The following CNTNAP2 variants were observed in gnomAD, a reference collection of about 807,000 sequenced individuals.
The protein encoded by CNTNAP2 is contactin associated protein 2, also known as contactin-associated protein-like 2.
In CNTNAP2, 98 loss-of-function variants were observed where a neutral mutation model predicts 155.2. The observed-to-expected ratio is 0.63, with a 90% CI of 0.54 to 0.75. CNTNAP2 has a LOEUF of 0.75. Among genes scored for constraint, CNTNAP2 ranks in the 30% least tolerant of loss-of-function variants. The probability of loss-of-function intolerance (pLI) is 0.00; values close to 1 mark genes in which losing one functional copy is unlikely to be tolerated. For missense variants in CNTNAP2, 1,727 were observed against 1,688.1 expected, an observed-to-expected ratio of 1.02 and a Z score of -0.40; for synonymous variants, 651 against 631.2, an observed-to-expected ratio of 1.03 and a Z score of -0.47.
At chr7:147,663,971 C>T (rs879706839) in intron 13 of CNTNAP2, among the ~76,000 whole-genome samples, 3 of 152,128 alleles carry the variant, frequency 2.0e-5, no homozygotes, top group Admixed American at 1.3e-4. Context: ...TTGTTAAGCT[C>T]TCTGGAAAAT....
At chr7:146,888,122 C>G (rs1214619907) in intron 3 of CNTNAP2, among the ~76,000 whole-genome samples, 1 of 152,012 alleles carries the variant, frequency 6.6e-6, no homozygotes, top group African/African-American at 2.4e-5. Context: ...TTTCCCTCTT[C>G]TTACTCAAAC....
At chr7:146,136,555 G>A (rs895572051) in intron 1 of CNTNAP2, among the ~76,000 whole-genome samples, 1 of 152,120 alleles carries the variant, frequency 6.6e-6, no homozygotes, top group Admixed American at 6.6e-5. Flanking sequence ...AGTGTGGCGT[G>A]GAGGGGCACC....
In CNTNAP2 at chr7:146,962,324, G is replaced by A. The variant is rs137881156; in HGVS notation, c.403-81583G>A. On this transcript the variant is annotated intron_variant, in intron 3 of 23. Coordinates refer to ENST00000361727, the MANE Select transcript of CNTNAP2 (RefSeq NM_014141.6). ...AACACAGTCTATTTTTACTGCTGCCGATCTTTACTGTTGCTGATCAACCTG... is the reference window on the plus strand; with the variant it reads ...AACACAGTCTATTTTTACTGCTGCCAATCTTTACTGTTGCTGATCAACCTG... 2.2e-4 allele frequency among the ~76,000 whole-genome samples: 33 copies of A among 152,208 alleles called. 1 individual carries two copies. Among genetic ancestry groups the A allele is most frequent in the South Asian group, 6.2e-4 (3 of 4,820 alleles).
chr7:147,554,638 A>T (rs939157951), intron 11 of CNTNAP2, among the ~76,000 whole-genome samples: 19 of 152,208 alleles, frequency 1.2e-4, no homozygotes, highest in African/African-American at 4.6e-4. Context: ...AGGCTTGGAC[A>T]GGTAAATAAA....
intron 4 of CNTNAP2, among the ~76,000 whole-genome samples, chr7:147,074,326 A>G (rs1034846088): frequency 1.1e-4 from 17 of 152,094 alleles, no homozygotes; most frequent in Admixed American, 2.0e-4. Flanking sequence ...TCCCCATTAC[A>G]GATGATGTGC....
chr7:148,401,266 C>T (rs763893083), intron 22 of CNTNAP2, among the ~76,000 whole-genome samples: 21 of 152,144 alleles, frequency 1.4e-4, no homozygotes, highest in East Asian at 3.9e-4. Context: ...CTCGTAGCAG[C>T]GACTCTGGCA....
intron 9 of CNTNAP2, among the ~76,000 whole-genome samples, chr7:147,325,483 C>T (rs78565596): frequency 0.011 from 1,613 of 152,100 alleles, 30 homozygotes; most frequent in African/African-American, 0.037. Context: ...AATAAAATAT[C>T]TTGGTGGGAG....
intron 8 of CNTNAP2, among the ~76,000 whole-genome samples, chr7:147,264,585 C>T (rs1804565537): frequency 6.6e-6 from 1 of 150,592 alleles, no homozygotes; most frequent in Non-Finnish European, 1.5e-5. Flanking sequence ...GGAGCTGCTC[C>T]AGGCTAGCCT....
At position 146,282,238 on chromosome 7, in the gene CNTNAP2, G is replaced by A. The variant is rs184926612; in HGVS notation, c.97+165265G>A. Among the ~76,000 whole-genome samples, 22 of 152,250 alleles carry A rather than the reference G, an allele frequency of 1.4e-4. No homozygotes were observed. The East Asian group carries it at 2.5e-3, about 17-fold the overall frequency. The stretch of plus-strand genomic sequence containing the variant: ...TATCCGTGATCTTTCACCTCTGACC[G>A]GACGTTTGTATCTTTTGCCCCCAAC... On this transcript the variant is annotated intron_variant, in intron 1 of 23. Coordinates refer to ENST00000361727, the MANE Select transcript of CNTNAP2 (RefSeq NM_014141.6).
chr7:147,993,146 C>T (rs1239011208), intron 15 of CNTNAP2, among the ~76,000 whole-genome samples: 1 of 152,176 alleles, frequency 6.6e-6, no homozygotes, highest in Non-Finnish European at 1.5e-5. Flanking sequence ...TTGATTTGCT[C>T]TTTTGGTTTA....
intron 15 of CNTNAP2, among the ~76,000 whole-genome samples, chr7:148,025,766 C>T (rs1017590611): frequency 2.6e-5 from 4 of 152,154 alleles, no homozygotes; most frequent in African/African-American, 9.7e-5. Context: ...TCATGAGTGA[C>T]CTCTCCCCAA....
At chr7:147,951,945 TA>T (rs902077038) in intron 14 of CNTNAP2, among the ~76,000 whole-genome samples, 9 of 149,026 alleles carry the variant, frequency 6.0e-5, no homozygotes, top group South Asian at 2.1e-4. Context: ...ATTAATTAAA[TA>T]AAAAAAAATG....
chr7:148,261,126 G>T (rs1364513128), intron 20 of CNTNAP2, among the ~76,000 whole-genome samples: 1 of 152,068 alleles, frequency 6.6e-6, no homozygotes, highest in Non-Finnish European at 1.5e-5. Context: ...CTTTCAGGAA[G>T]AAAAGGGGAG....
Position 148,283,300 on chromosome 7 carries a change from A to G in CNTNAP2, c.3475+16174A>G, listed in dbSNP as rs186985723. Among the ~76,000 whole-genome samples the G allele has an allele frequency of 5.6e-4, 56 of 99,298 alleles. 2 individuals carry two copies. In the East Asian group the frequency reaches 8.4e-3, roughly 15 times the overall value. 65.1% of individuals were successfully genotyped at this position (99,298 alleles called of 152,430 possible). A position where few individuals can be genotyped will look rare whatever the true frequency, so the allele number is the denominator to read the frequency against. ...GAAAGAAAGAAAGAAAGAAAGAAAGAAAGAAAGGAAGGAAGGAAGGAAAGA... is the reference window on the plus strand; with the variant it reads ...GAAAGAAAGAAAGAAAGAAAGAAAGGAAGAAAGGAAGGAAGGAAGGAAAGA... On this transcript the variant is annotated intron_variant, in intron 21 of 23. Transcript: ENST00000361727.
intron 15 of CNTNAP2, among the ~76,000 whole-genome samples, chr7:148,015,714 G>C (rs142350676): frequency 2.0e-5 from 3 of 152,180 alleles, no homozygotes; most frequent in African/African-American, 7.2e-5. Context: ...TGTTACGCCA[G>C]AGACAGATCC....
chr7:147,879,553 T>C lies in CNTNAP2; in HGVS notation c.2099-24012T>C, dbSNP rs543948971. ...CTGCAATAAAAATTCAGCAATCTAG[T>C]TGTGCAATAAGTCCGTGTAGGGGCT... On this transcript the variant is annotated intron_variant, in intron 13 of 23. Transcript: ENST00000361727. Among the ~76,000 whole-genome samples the C allele has an allele frequency of 9.8e-5, 15 of 152,310 alleles. No homozygotes were observed. In the South Asian group the frequency reaches 3.1e-3, roughly 32 times the overall value.
At chr7:148,382,947 C>T (rs1453150931) in intron 21 of CNTNAP2, among the ~76,000 whole-genome samples, 1 of 152,194 alleles carries the variant, frequency 6.6e-6, no homozygotes, top group African/African-American at 2.4e-5. Flanking sequence ...TTGGAAATGC[C>T]TCTACTCAGT....
In CNTNAP2 at chr7:148,366,006, A is replaced by ATG. The variant is rs1554425173; in HGVS notation, c.3476-17637_3476-17636dup. Among the ~76,000 whole-genome samples the ATG allele has an allele frequency of 2.7e-3, 4 of 1,508 alleles. 2 individuals are homozygous for ATG. The highest frequency in any genetic ancestry group is 3.1e-3 in the African/African-American group (4 of 1,288). 1.0% of individuals were successfully genotyped at this position (1,508 alleles called of 152,430 possible). A position where few individuals can be genotyped will look rare whatever the true frequency, so the allele number is the denominator to read the frequency against. On this transcript the variant is annotated intron_variant, in intron 21 of 23. Transcript: ENST00000361727. ...TATACATGTGTGTATGCATGTATGC[A>ATG]TGTGTGTATGCATGTATGCATGTGT...
chr7:148,305,600 C>T (rs1355840489), intron 21 of CNTNAP2, among the ~76,000 whole-genome samples: 1 of 152,164 alleles, frequency 6.6e-6, no homozygotes, highest in Non-Finnish European at 1.5e-5. Flanking sequence ...CCTCAGGAAA[C>T]TTATAATCAC....
Sources: allele counts gnomAD v4.1 joint callset (sites outside exome capture counted in the v4.1 genomes callset), GRCh38; gene constraint gnomAD v4.1.1; transcripts MANE v1.5; gene names NCBI Gene and HGNC (gene_info 2026-07-23, HGNC 2026-07-21).